The following DIDO1 variants were observed in gnomAD, a reference collection of about 807,000 sequenced individuals.
DIDO1 encodes the protein death inducer-obliterator 1, also known as death-inducer obliterator 1.
In DIDO1, 16 loss-of-function variants were observed where a neutral mutation model predicts 99.4. The ratio of observed to expected loss-of-function variants is 0.16; its 90% CI spans 0.11 to 0.24. The LOEUF (loss-of-function observed/expected upper bound fraction) is 0.24, where lower values mean the gene tolerates loss of function less well. DIDO1 is among the 10% of genes least tolerant of loss of function. The pLI is 1.00. For missense variants in DIDO1, 2,996 were observed against 3,014.0 expected (o/e 0.99, Z 0.14); for synonymous variants, 1,366 against 1,239.1 (o/e 1.10, Z -2.15).
chr20:62,925,533 G>A (rs923277413), intron 1 of DIDO1, among the ~76,000 whole-genome samples: 4 of 152,206 alleles, frequency 2.6e-5, no homozygotes, highest in African/African-American at 9.7e-5. Context: ...GGATATCGAA[G>A]GCCCAGGCAC....
intron 4 of DIDO1, among the ~76,000 whole-genome samples, chr20:62,909,265 T>C (rs757000753): frequency 3.3e-5 from 5 of 152,138 alleles, no homozygotes; most frequent in Admixed American, 2.6e-4. Context: ...ATGTGGGAAA[T>C]GTCATAAACA....
At chr20:62,884,684 C>T (rs1451526228) in intron 15 of DIDO1, among the ~76,000 whole-genome samples, 1 of 152,226 alleles carries the variant, frequency 6.6e-6, no homozygotes, top group African/African-American at 2.4e-5. Context: ...CCAGGCCTGC[C>T]AGACTGAGTT....
chr20:62,922,536 C>G (rs1295016266), intron 1 of DIDO1, among the ~76,000 whole-genome samples: 1 of 152,120 alleles, frequency 6.6e-6, no homozygotes, highest in Non-Finnish European at 1.5e-5. Flanking sequence ...GGCAGTGTAT[C>G]TGTCTAGGAA....
chr20:62,909,205 G>T (rs1352857801), intron 4 of DIDO1, among the ~76,000 whole-genome samples: 1 of 152,252 alleles, frequency 6.6e-6, no homozygotes, highest in Non-Finnish European at 1.5e-5. Flanking sequence ...CTGCCCTGTG[G>T]GGACTGGAAT....
chr20:62,913,704 C>A (rs2064989546), intron 2 of DIDO1, among the ~76,000 whole-genome samples: 1 of 152,214 alleles, frequency 6.6e-6, no homozygotes, highest in Non-Finnish European at 1.5e-5. Context: ...CTCGCACTAG[C>A]CTTTGCCCAG....
rs1254820001 is a variant in DIDO1, at chr20:62,926,232, G to A, written c.-200+207C>T. 4.7e-5 allele frequency among the ~76,000 whole-genome samples: 7 copies of A among 148,366 alleles called. No homozygotes were observed. In the South Asian group the frequency reaches 8.5e-4, roughly 18 times the overall value. On this transcript the variant is annotated intron_variant, in intron 1 of 15. Coordinates refer to ENST00000395343, the MANE Select transcript of DIDO1 (RefSeq NM_001193369.2). ...TCTGAGGCCCGCGCCCCAGGCCGCG[G>A]CGGCTCTGACCGGCCCCGCCCGCTC...
chr20:62,905,726 A>G, intron 6 of DIDO1, 161 bp downstream of exon 6: 1 of 1,607,414 alleles, frequency 6.2e-7, no homozygotes, highest in Non-Finnish European at 8.5e-7. Context: ...GGGCAGCAGG[A>G]GGCATCCTGG....
intron 1 of DIDO1, among the ~76,000 whole-genome samples, chr20:62,922,231 CATAT>C (rs750496107): frequency 2.1e-4 from 19 of 92,156 alleles, no homozygotes; most frequent in Middle Eastern, 6.1e-3. Flanking sequence ...CACACACACA[CATAT>C]ATATATATAC....
At chr20:62,901,839 G>A (rs903071148) in intron 6 of DIDO1, among the ~76,000 whole-genome samples, 1 of 148,976 alleles carries the variant, frequency 6.7e-6, no homozygotes, top group Non-Finnish European at 1.5e-5. Flanking sequence ...AAAAAACCTA[G>A]TATTATTTTA....
intron 1 of DIDO1, among the ~76,000 whole-genome samples, chr20:62,918,489 T>C (rs2065077779): frequency 6.6e-6 from 1 of 152,214 alleles, no homozygotes; most frequent in Non-Finnish European, 1.5e-5. Context: ...GAGTAATTAA[T>C]CTCCAAGACA....
At chr20:62,919,403 G>A (rs570388635) in intron 1 of DIDO1, among the ~76,000 whole-genome samples, 1 of 152,234 alleles carries the variant, frequency 6.6e-6, no homozygotes, top group East Asian at 1.9e-4. Flanking sequence ...AGCAGGGCTT[G>A]GTGGCAGGTG....
At chr20:62,886,510 ATC>A (rs1422270919) in intron 15 of DIDO1, among the ~76,000 whole-genome samples, 1 of 152,192 alleles carries the variant, frequency 6.6e-6, no homozygotes, top group African/African-American at 2.4e-5. Flanking sequence ...CAAAACCAGG[ATC>A]TGTGTCCAGG....
In DIDO1 at chr20:62,896,645, G is replaced by T; in HGVS notation, c.1940C>A (p.Pro647Gln). The T allele has an allele frequency of 1.2e-6, 2 of 1,614,042 alleles. No homozygotes were observed. Among genetic ancestry groups the T allele is most frequent in the Non-Finnish European group, 1.7e-6 (2 of 1,179,914 alleles). Residue 647 changes from proline to glutamine, a missense_variant, in exon 7 of 16, where the codon CCA becomes CAA. Pro to Gln is a moderately conservative substitution (Grantham distance 76, BLOSUM62 -1). Transcript: ENST00000395343. This position sits in a 1 kb window ranked among gnomAD's most constrained non-coding sequence, Gnocchi z 4.4. ...AVRKPVVPSV[P>Q]MASPAPGRLG... is the part of the protein sequence containing the mutation. ...GCGTCCTGGGGCTGGCGAGGCCATT[G>T]GAACAGAAGGTACCACTGGCTTCCT...
chr20:62,925,314 G>A (rs2065231195), intron 1 of DIDO1, among the ~76,000 whole-genome samples: 1 of 152,160 alleles, frequency 6.6e-6, no homozygotes, highest in Non-Finnish European at 1.5e-5. Flanking sequence ...AAAAAAGACT[G>A]TATTTACTCC....
At chr20:62,892,784 GCA>G (rs759132349) in intron 13 of DIDO1, 23 bp downstream of exon 13, 55 of 1,597,700 alleles carry the variant, frequency 3.4e-5, no homozygotes, top group Non-Finnish European at 7.7e-6. Flanking sequence ...ACACACACAC[GCA>G]CACACATTTT....
At position 62,882,205 on chromosome 20, in the gene DIDO1, C is replaced by G; in HGVS notation, c.3751G>C (p.Ala1251Pro). Residue 1251 changes from alanine (A) to proline (P), a missense_variant, in exon 16 of 16, where the codon GCG becomes CCG. Transcript: ENST00000395343. ...CCAGGAGGTGTGGTGCTGACAGCCG[C>G]GTCTGCAGAGCAGAGTGGATACTTG... is the stretch of plus-strand genomic sequence containing the variant. ...PSKYPLCSADAAVSTTPPGSP... is the reference protein window; with the variant it reads ...PSKYPLCSADPAVSTTPPGSP... 2 of 1,613,624 alleles carry G rather than the reference C, an allele frequency of 1.2e-6. No homozygotes were observed. Among genetic ancestry groups the G allele is most frequent in the Non-Finnish European group, 1.7e-6 (2 of 1,180,018 alleles).
At chr20:62,930,222 A>C (rs77820885), upstream of DIDO1, among the ~76,000 whole-genome samples, 8,588 of 151,176 alleles carry the variant, frequency 0.057, 261 homozygotes, top group African/African-American at 0.081. Context: ...AACAAACAAA[A>C]AAAAAAAAAA....
upstream of DIDO1, among the ~76,000 whole-genome samples, chr20:62,927,238 A>T (rs1454450126): frequency 6.6e-6 from 1 of 152,230 alleles, no homozygotes; most frequent in Non-Finnish European, 1.5e-5. Context: ...CTACACTCAG[A>T]ACTACTGACC....
At chr20:62,905,222 GGTCAGGACA>G in intron 6 of DIDO1, 1 of 1,228,430 alleles carries the variant, frequency 8.1e-7, no homozygotes. Flanking sequence ...CGCGTCCTGC[GGTCAGGACA>G]GTGTTCTAGG....
Sources: gnomAD v4.1 joint callset for allele counts (sites outside exome capture counted in the v4.1 genomes callset) on GRCh38, gnomAD v4.1.1 for gene constraint, Gnocchi (gnomAD v3.1) non-coding constraint, MANE v1.5 for transcripts, NCBI Gene and HGNC (gene_info 2026-07-23, HGNC 2026-07-21) for gene names.